The following ATF6 variants were observed in gnomAD, a reference collection of about 807,000 sequenced individuals.
ATF6 encodes activating transcription factor 6.
ATF6 carries 53 observed loss-of-function variants against 83.6 expected under a neutral mutation model. The observed-to-expected ratio is 0.63, with a 90% CI of 0.51 to 0.80. The LOEUF (loss-of-function observed/expected upper bound fraction) is 0.80. ATF6 is among the 30% of genes least tolerant of loss of function. ATF6 has a pLI of 0.00. For synonymous variants in ATF6, 288 were observed against 285.8 expected (o/e 1.01, Z -0.08); for missense variants, 744 against 797.9 (o/e 0.93, Z 0.81).
chr1:161,782,174 G>A (rs1388023479), intron 3 of ATF6, among the ~76,000 whole-genome samples, 175 bp downstream of exon 3: 2 of 152,166 alleles, frequency 1.3e-5, no homozygotes, highest in African/African-American at 4.8e-5. Context: ...TGCCAAAAAT[G>A]GATATGAGGA....
At chr1:161,801,371 T>C (rs2101753953) in intron 6 of ATF6, among the ~76,000 whole-genome samples, 1 of 148,518 alleles carries the variant, frequency 6.7e-6, no homozygotes, top group African/African-American at 2.5e-5. Context: ...TTTTTTTTTT[T>C]TTTTTTTTTT....
At chr1:161,833,400 A>T (rs990386966) in intron 9 of ATF6, among the ~76,000 whole-genome samples, 32 of 152,230 alleles carry the variant, frequency 2.1e-4, no homozygotes, top group Non-Finnish European at 4.0e-4. Flanking sequence ...ACAAAGCTGG[A>T]CGGAGAATGA....
chr1:161,794,817 GA>G (rs984161461), intron 6 of ATF6, among the ~76,000 whole-genome samples: 6 of 151,710 alleles, frequency 4.0e-5, no homozygotes, highest in Non-Finnish European at 8.8e-5. Context: ...TAGTGTAGAT[GA>G]GAGATAATGA....
chr1:161,917,228 C>T (rs1688118312), intron 15 of ATF6, among the ~76,000 whole-genome samples: 1 of 151,916 alleles, frequency 6.6e-6, no homozygotes, highest in Admixed American at 6.6e-5. Context: ...ATCCATTGGT[C>T]AAAAAGGAAA....
intron 4 of ATF6, among the ~76,000 whole-genome samples, chr1:161,789,095 A>G (rs1159572319): frequency 2.0e-5 from 3 of 152,036 alleles, no homozygotes; most frequent in African/African-American, 4.8e-5. Flanking sequence ...AAATAATTAG[A>G]TCATGGAAAA....
At chr1:161,781,812 A>G in intron 2 of ATF6, 100 bp from the exon 3 acceptor site, 1 of 704,446 alleles carries the variant, frequency 1.4e-6, no homozygotes, top group South Asian at 1.9e-5. Context: ...GTTGGCTAAT[A>G]GCAGTTAAAT....
At chr1:161,804,587 G>A (rs1685232924) in intron 7 of ATF6, among the ~76,000 whole-genome samples, 1 of 152,066 alleles carries the variant, frequency 6.6e-6, no homozygotes, top group Admixed American at 6.6e-5. Context: ...ATCTGGAACA[G>A]GTGCAGGAAA....
chr1:161,921,150 G>A (rs972871468), intron 15 of ATF6, among the ~76,000 whole-genome samples: 3 of 152,158 alleles, frequency 2.0e-5, no homozygotes, highest in Non-Finnish European at 2.9e-5. Context: ...CCAAGCAGCA[G>A]CTGCTTGCTG....
chr1:161,864,459 T>C (rs1686949422), intron 14 of ATF6, among the ~76,000 whole-genome samples: 1 of 152,170 alleles, frequency 6.6e-6, no homozygotes, highest in Admixed American at 6.5e-5. Flanking sequence ...ATGAGCAAAT[T>C]CATTCTCTGA....
intron 15 of ATF6, among the ~76,000 whole-genome samples, chr1:161,925,579 TCTTA>T (rs1222936793): frequency 6.6e-6 from 1 of 152,308 alleles, no homozygotes; most frequent in Non-Finnish European, 1.5e-5. Context: ...GTAACATTCA[TCTTA>T]CTTGTAATCA....
chr1:161,880,546 A>G (rs761577385), intron 14 of ATF6, among the ~76,000 whole-genome samples: 20 of 152,126 alleles, frequency 1.3e-4, no homozygotes, highest in Non-Finnish European at 1.9e-4. Flanking sequence ...TTAATTATAT[A>G]TATTTTCCTT....
At chr1:161,923,669 T>C (rs1688257558) in intron 15 of ATF6, among the ~76,000 whole-genome samples, 1 of 152,242 alleles carries the variant, frequency 6.6e-6, no homozygotes, top group African/African-American at 2.4e-5. Flanking sequence ...TTTATATTCA[T>C]TGTATTTGAT....
chr1:161,801,466 A>AT (rs112356244), intron 6 of ATF6, among the ~76,000 whole-genome samples: 1 of 147,164 alleles, frequency 6.8e-6, no homozygotes, highest in Non-Finnish European at 1.5e-5. Context: ...TAATTTTTAA[A>AT]TTTTTTTTTG....
chr1:161,894,193 G>C (rs1330558681), intron 14 of ATF6, among the ~76,000 whole-genome samples: 1 of 139,454 alleles, frequency 7.2e-6, no homozygotes, highest in African/African-American at 2.7e-5. Flanking sequence ...CCACGTTTTT[G>C]TTCCTTTTAA....
chr1:161,822,030 G>A (rs555787958), intron 9 of ATF6, among the ~76,000 whole-genome samples: 15 of 152,302 alleles, frequency 9.8e-5, no homozygotes, highest in African/African-American at 3.4e-4. Flanking sequence ...TTGAGGGACC[G>A]AATGGTGGTG....
At chr1:161,939,507 G>A (rs921831164) in intron 15 of ATF6, among the ~76,000 whole-genome samples, 1 of 152,184 alleles carries the variant, frequency 6.6e-6, no homozygotes, top group East Asian at 1.9e-4. Flanking sequence ...CAGAATGAAG[G>A]TGCCTAAACA....
At chr1:161,884,517 GT>G (rs201654435) in intron 14 of ATF6, among the ~76,000 whole-genome samples, 13 of 149,086 alleles carry the variant, frequency 8.7e-5, no homozygotes, top group South Asian at 6.3e-4. Flanking sequence ...TACTTTTATA[GT>G]TTTTTTTTTA....
At chr1:161,912,527 AT>A in intron 15 of ATF6, 147 bp downstream of exon 15, 1 of 479,410 alleles carries the variant, frequency 2.1e-6, no homozygotes. Context: ...CTGTTTTATT[AT>A]TTTTAAGATC....
At chr1:161,901,637 T>G (rs2101879807) in intron 14 of ATF6, among the ~76,000 whole-genome samples, 1 of 152,210 alleles carries the variant, frequency 6.6e-6, no homozygotes, top group East Asian at 1.9e-4. Flanking sequence ...TTGAAATATA[T>G]GAAGAAAATC....
Sources: gnomAD v4.1 joint callset for allele counts (sites outside exome capture counted in the v4.1 genomes callset) on GRCh38, gnomAD v4.1.1 for gene constraint, MANE v1.5 for transcripts, NCBI Gene and HGNC (gene_info 2026-07-23, HGNC 2026-07-21) for gene names.